The following FRMD5 variants were observed in gnomAD, a reference collection of about 807,000 sequenced individuals.
The protein encoded by FRMD5 is FERM domain-containing protein 5.
Under a neutral mutation model 69.0 loss-of-function variants are expected in FRMD5, and 20 were observed. The ratio of observed to expected loss-of-function variants is 0.29; its 90% CI spans 0.20 to 0.42. FRMD5 has a LOEUF of 0.42. FRMD5 is among the 10% of genes least tolerant of loss of function. The probability of loss-of-function intolerance (pLI) is 1.00; values close to 1 mark genes in which losing one functional copy is unlikely to be tolerated. For synonymous variants in FRMD5, 271 were observed against 260.1 expected, an observed-to-expected ratio of 1.04 and a Z score of -0.40; for missense variants, 595 against 708.6, an observed-to-expected ratio of 0.84 and a Z score of 1.82.
intron 4 of FRMD5, among the ~76,000 whole-genome samples, chr15:43,915,436 A>G (rs547370961): frequency 9.9e-5 from 15 of 152,256 alleles, no homozygotes; most frequent in African/African-American, 3.6e-4. Flanking sequence ...TCGTTCATGT[A>G]TGTCTTGATT....
At chr15:43,894,100 C>T (rs1182944148) in intron 7 of FRMD5, among the ~76,000 whole-genome samples, 3 of 152,180 alleles carry the variant, frequency 2.0e-5, no homozygotes, top group Non-Finnish European at 4.4e-5. Context: ...TGATTTTCCT[C>T]CTGCTTATAA....
At chr15:44,165,593 C>T (rs946247283) in intron 1 of FRMD5, among the ~76,000 whole-genome samples, 4 of 151,724 alleles carry the variant, frequency 2.6e-5, no homozygotes, top group Admixed American at 6.6e-5. Flanking sequence ...CCCAGCACTT[C>T]GGGAGGCCAA....
intron 1 of FRMD5, among the ~76,000 whole-genome samples, chr15:44,076,169 T>G (rs953946245): frequency 6.6e-6 from 1 of 152,068 alleles, no homozygotes. Context: ...TTTTACACTG[T>G]TGGTGGGACT....
intron 1 of FRMD5, among the ~76,000 whole-genome samples, chr15:44,169,403 T>C (rs992467832): frequency 4.6e-5 from 7 of 151,626 alleles, no homozygotes; most frequent in Admixed American, 1.3e-4. Flanking sequence ...TAAGAGAAGA[T>C]AGTTATTTTA....
intron 1 of FRMD5, among the ~76,000 whole-genome samples, chr15:44,189,535 C>G (rs2078159150): frequency 6.6e-6 from 1 of 150,888 alleles, no homozygotes; most frequent in African/African-American, 2.4e-5. Context: ...GCCACCCAGG[C>G]TGGAGTGCAA....
chr15:43,909,606 G>A (rs191919234), intron 5 of FRMD5, among the ~76,000 whole-genome samples: 142 of 151,900 alleles, frequency 9.3e-4, no homozygotes, highest in African/African-American at 3.3e-3. Flanking sequence ...TTGGCCTCCC[G>A]AGTAGCTGGG....
chr15:43,969,443 G>A (rs1324072972), intron 1 of FRMD5, among the ~76,000 whole-genome samples: 2 of 151,910 alleles, frequency 1.3e-5, no homozygotes, highest in Admixed American at 1.3e-4. Context: ...TCATTCATTC[G>A]GTCATTTATT....
At chr15:44,100,550 G>A (rs1336068583) in intron 1 of FRMD5, among the ~76,000 whole-genome samples, 1 of 152,052 alleles carries the variant, frequency 6.6e-6, no homozygotes, top group African/African-American at 2.4e-5. Context: ...AAAAATACAA[G>A]CTGTTGACAA....
chr15:44,148,775 T>C (rs2077398589), intron 1 of FRMD5, among the ~76,000 whole-genome samples: 2 of 152,364 alleles, frequency 1.3e-5, no homozygotes, highest in South Asian at 4.1e-4. Context: ...AACTCTTTTA[T>C]GCACTAGGAT....
intron 1 of FRMD5, among the ~76,000 whole-genome samples, chr15:43,993,636 A>AT (rs887418800): frequency 1.1e-4 from 17 of 151,990 alleles, no homozygotes; most frequent in African/African-American, 3.4e-4. Context: ...TTCCTTATTG[A>AT]TTTTTTTTGT....
At chr15:43,941,758 G>T (rs946068904) in intron 1 of FRMD5, among the ~76,000 whole-genome samples, 1 of 152,178 alleles carries the variant, frequency 6.6e-6, no homozygotes, top group African/African-American at 2.4e-5. Context: ...CTAAGGGCGG[G>T]GGGGCGTTGC....
chr15:43,962,926 C>T (rs370207570), intron 1 of FRMD5, among the ~76,000 whole-genome samples: 30 of 152,216 alleles, frequency 2.0e-4, no homozygotes, highest in African/African-American at 7.0e-4. Flanking sequence ...TAAAGACTTA[C>T]ATGTTAGACC....
intron 1 of FRMD5, among the ~76,000 whole-genome samples, chr15:44,030,179 T>C (rs1891616743): frequency 6.6e-6 from 1 of 152,132 alleles, no homozygotes; most frequent in Admixed American, 6.5e-5. Flanking sequence ...ACATGTGTGA[T>C]CATTACAACA....
intron 1 of FRMD5, among the ~76,000 whole-genome samples, chr15:44,029,345 A>G (rs1369477296): frequency 1.3e-5 from 2 of 152,172 alleles, no homozygotes; most frequent in African/African-American, 4.8e-5. Context: ...CAGAACCACA[A>G]ATAGCTGTGC....
intron 1 of FRMD5, among the ~76,000 whole-genome samples, chr15:44,004,685 C>T (rs753278867): frequency 2.0e-5 from 3 of 152,172 alleles, no homozygotes. Flanking sequence ...CCTCCCTATA[C>T]CCTGAGACAC....
At chr15:43,937,591 T>C (rs1179208698) in intron 1 of FRMD5, among the ~76,000 whole-genome samples, 8 of 147,418 alleles carry the variant, frequency 5.4e-5, no homozygotes, top group Non-Finnish European at 3.0e-5. Flanking sequence ...TGAGCCAAGA[T>C]CGCGCCACTG....
At chr15:44,131,394 TA>T (rs11304212) in intron 1 of FRMD5, among the ~76,000 whole-genome samples, 135,176 of 151,510 alleles carry the variant, frequency 0.89, 60,704 homozygotes, top group East Asian at 0.95. Context: ...CGGCAATTCC[TA>T]AAAAAAAAAT....
intron 1 of FRMD5, among the ~76,000 whole-genome samples, chr15:44,039,891 A>G (rs2140310750): frequency 6.6e-6 from 1 of 152,278 alleles, no homozygotes; most frequent in East Asian, 1.9e-4. Flanking sequence ...CTAAAGGAGC[A>G]TGTTCTAACC....
intron 1 of FRMD5, among the ~76,000 whole-genome samples, chr15:44,171,106 G>A (rs2077794740): frequency 6.6e-6 from 1 of 152,036 alleles, no homozygotes; most frequent in Non-Finnish European, 1.5e-5. Context: ...ATCTTAAGAA[G>A]CCACAGAGAT....
Sources: allele counts gnomAD v4.1 joint callset (sites outside exome capture counted in the v4.1 genomes callset), GRCh38; gene constraint gnomAD v4.1.1; transcripts MANE v1.5; gene names NCBI Gene and HGNC (gene_info 2026-07-23, HGNC 2026-07-21).